The following SH3KBP1 variants were observed in gnomAD, a reference collection of about 807,000 sequenced individuals.
SH3KBP1 encodes the protein SH3 domain containing kinase binding protein 1.
Under a neutral mutation model 50.1 loss-of-function variants are expected in SH3KBP1, and 8 were observed. The observed-to-expected ratio is 0.16, with a 90% CI of 0.09 to 0.29. SH3KBP1 has a LOEUF of 0.29. SH3KBP1 is among the 10% of genes least tolerant of loss of function. The pLI, the probability that SH3KBP1 is intolerant of heterozygous loss-of-function variation, is 1.00. For synonymous variants in SH3KBP1, 227 were observed against 218.6 expected, an observed-to-expected ratio of 1.04 and a Z score of -0.34; for missense variants, 377 against 535.2, an observed-to-expected ratio of 0.70 and a Z score of 2.92.
At position 19,673,589 on chromosome X, in the gene SH3KBP1, G is replaced by A. The variant is rs548699917; in HGVS notation, c.726+10234C>T. On this transcript the variant is annotated intron_variant, in intron 6 of 17. Coordinates refer to ENST00000397821, the MANE Select transcript of SH3KBP1 (RefSeq NM_031892.3). ...AGCTACTAGAAGTTCCTGGTGCCTGGCCAATTAGTCATCGACCATGGAGCC... is the reference window on the plus strand; with the variant it reads ...AGCTACTAGAAGTTCCTGGTGCCTGACCAATTAGTCATCGACCATGGAGCC... 2.0e-4 allele frequency among the ~76,000 whole-genome samples: 22 copies of A among 111,398 alleles called. No individual in the cohort carries two copies. The South Asian group carries it at 7.6e-3, about 39-fold the overall frequency.
In SH3KBP1 at chrX:19,672,948, T is replaced by A. The variant is rs190874540; in HGVS notation, c.726+10875A>T. Among the ~76,000 whole-genome samples the A allele has an allele frequency of 9.7e-3, 757 of 78,131 alleles. 2 individuals are homozygous for A. Among genetic ancestry groups the A allele is most frequent in the Middle Eastern group, 0.043 (5 of 117 alleles). 67.8% of individuals were successfully genotyped at this position (78,131 alleles called of 115,157 possible). Reference sequence around the variant, plus strand: ...GGCAGGTGCCTGTAATCCCAGCTACTCAGGAGGCTGAGGCAGAAGAATTGC... The same window carrying A: ...GGCAGGTGCCTGTAATCCCAGCTACACAGGAGGCTGAGGCAGAAGAATTGC... On this transcript the variant is annotated intron_variant, in intron 6 of 17. Transcript: ENST00000397821.
At chrX:19,870,358 T>C (rs1299111132) in intron 1 of SH3KBP1, among the ~76,000 whole-genome samples, 1 of 110,589 alleles carries the variant, frequency 9.0e-6, no homozygotes, top group Non-Finnish European at 1.9e-5. Context: ...TTTTTTTTTT[T>C]CTGAGCTGGG....
At chrX:19,711,944 T>G (rs186138348) in intron 3 of SH3KBP1, among the ~76,000 whole-genome samples, 24 of 111,666 alleles carry the variant, frequency 2.1e-4, no homozygotes, top group Admixed American at 5.7e-4. Context: ...GACCTGCATT[T>G]AAAGCTATCT....
At chrX:19,665,421 T>C (rs2062573570) in intron 6 of SH3KBP1, among the ~76,000 whole-genome samples, 1 of 112,055 alleles carries the variant, frequency 8.9e-6, no homozygotes, top group South Asian at 3.7e-4. Context: ...ATTCGTAAAA[T>C]GGCTTGAGGA....
At chrX:19,869,396 G>A (rs1328282864) in intron 1 of SH3KBP1, among the ~76,000 whole-genome samples, 1 of 112,102 alleles carries the variant, frequency 8.9e-6, no homozygotes, top group Admixed American at 9.4e-5. Context: ...GGGTGTGGGT[G>A]GAAGTGATGT....
intron 2 of SH3KBP1, among the ~76,000 whole-genome samples, chrX:19,758,327 CAAAAAAAAA>C (rs60332447): frequency 0.011 from 420 of 37,651 alleles, 1 homozygote; most frequent in Non-Finnish European, 0.024. Flanking sequence ...GACTTCGTTT[CAAAAAAAAA>C]AAAAAAAAAA....
intron 5 of SH3KBP1, among the ~76,000 whole-genome samples, chrX:19,688,581 C>T (rs1224986955): frequency 4.5e-5 from 5 of 110,680 alleles, no homozygotes; most frequent in African/African-American, 1.6e-4. Flanking sequence ...CACATACTGC[C>T]CTGGTTTGAG....
rs755895016 is a variant in SH3KBP1, at chrX:19,535,126, TA to T, written c.*1290del. 2.0e-5 allele frequency: 6 copies of T among 293,872 alleles called. No individual in the cohort carries two copies. The South Asian group carries it at 1.2e-3, about 57-fold the overall frequency. 24.2% of individuals were successfully genotyped at this position (293,872 alleles called of 1,213,427 possible). A position where few individuals can be genotyped will look rare whatever the true frequency, so the allele number is the denominator to read the frequency against. ...ATACAGTAGGCCCCTCATTTTCAGC[TA>T]AGGATGAGAAAACAGTTACATAGTC... On this transcript the variant is annotated 3_prime_UTR_variant, in exon 18 of 18. Transcript: ENST00000397821.
At chrX:19,851,222 A>T (rs2068500223) in intron 1 of SH3KBP1, among the ~76,000 whole-genome samples, 2 of 112,646 alleles carry the variant, frequency 1.8e-5, no homozygotes, top group Non-Finnish European at 3.8e-5. Context: ...ATGAGCCTCC[A>T]GATCTGTAGA....
chrX:19,829,350 A>C (rs2067789110), intron 2 of SH3KBP1, among the ~76,000 whole-genome samples: 1 of 111,561 alleles, frequency 9.0e-6, no homozygotes, highest in Non-Finnish European at 1.9e-5. Context: ...AGGCAAAACT[A>C]ATGTATGATG....
intron 12 of SH3KBP1, among the ~76,000 whole-genome samples, chrX:19,572,488 T>C (rs1185008358): frequency 9.4e-6 from 1 of 106,326 alleles, no homozygotes; most frequent in Non-Finnish European, 1.9e-5. Flanking sequence ...AGTACATATA[T>C]GTTATATATA....
chrX:19,647,840 C>G (rs1172494793), intron 6 of SH3KBP1, among the ~76,000 whole-genome samples: 2 of 110,725 alleles, frequency 1.8e-5, no homozygotes, highest in Non-Finnish European at 3.8e-5. Context: ...GGCCCCACCC[C>G]AGGCTTTCTC....
chrX:19,619,620 A>G (rs2067741891), intron 8 of SH3KBP1, among the ~76,000 whole-genome samples: 1 of 110,932 alleles, frequency 9.0e-6, no homozygotes, highest in Non-Finnish European at 1.9e-5. Flanking sequence ...CAGCTCCACT[A>G]AAAATACAAA....
intron 2 of SH3KBP1, among the ~76,000 whole-genome samples, chrX:19,764,165 C>G (rs1467282343): frequency 9.1e-6 from 1 of 110,334 alleles, no homozygotes; most frequent in Non-Finnish European, 1.9e-5. Context: ...TAGAATAACT[C>G]ACATGGGGAA....
At position 19,658,763 on chromosome X, in the gene SH3KBP1, T is replaced by C. The variant is rs775772250; in HGVS notation, c.727-13288A>G. 2.7e-5 allele frequency among the ~76,000 whole-genome samples: 3 copies of C among 110,866 alleles called. No individual in the cohort carries two copies. In the South Asian group the frequency reaches 1.2e-3, roughly 43 times the overall value. ...TAGTAGAGATGGGGTTTCACCATAA[T>C]GGTCAGGCTGCTCTCGAACTCCTGA... On this transcript the variant is annotated intron_variant, in intron 6 of 17. Coordinates refer to ENST00000397821, the MANE Select transcript of SH3KBP1 (RefSeq NM_031892.3).
intron 1 of SH3KBP1, among the ~76,000 whole-genome samples, chrX:19,879,065 G>A (rs1280406745): frequency 1.8e-5 from 2 of 111,742 alleles, no homozygotes; most frequent in South Asian, 3.7e-4. Context: ...GCAACATGGC[G>A]AAGCCCCATC....
At chrX:19,669,669 A>C (rs760606162) in intron 6 of SH3KBP1, among the ~76,000 whole-genome samples, 1 of 111,958 alleles carries the variant, frequency 8.9e-6, no homozygotes, top group Non-Finnish European at 1.9e-5. Flanking sequence ...CATCCAGCAT[A>C]AGATCAGCAA....
chrX:19,789,147 T>G (rs1457924470), intron 2 of SH3KBP1, among the ~76,000 whole-genome samples: 6 of 110,441 alleles, frequency 5.4e-5, no homozygotes, highest in African/African-American at 9.9e-5. Context: ...AAAATAAAAA[T>G]AAAGAAAGAA....
intron 2 of SH3KBP1, among the ~76,000 whole-genome samples, chrX:19,785,960 A>C (rs1380423538): frequency 1.8e-5 from 2 of 111,771 alleles, no homozygotes; most frequent in Non-Finnish European, 3.8e-5. Context: ...TCATGGGTGC[A>C]GAGTTTCAGT....
Sources: allele counts gnomAD v4.1 joint callset (sites outside exome capture counted in the v4.1 genomes callset), GRCh38; gene constraint gnomAD v4.1.1; transcripts MANE v1.5; gene names NCBI Gene and HGNC (gene_info 2026-07-23, HGNC 2026-07-21).